Variants in KCNQ1OT1 observed in about 807,000 individuals in gnomAD.
KCNQ1OT1 encodes the protein KCNQ1 opposite strand/antisense transcript 1.
chr11:2,643,319 C>T (rs986058957), exon 1 of KCNQ1OT1: 2 of 398,134 alleles, frequency 5.0e-6, no homozygotes, highest in Admixed American at 8.8e-5. Context: ...TGATGTTTGC[C>T]TTATATATCT....
chr11:2,655,021 T>A (rs1346854676), exon 1 of KCNQ1OT1: 1 of 398,388 alleles, frequency 2.5e-6, no homozygotes, highest in African/African-American at 2.1e-5. Flanking sequence ...GAAATGAAAA[T>A]CACCCAAAGA....
chr11:2,641,254 G>A (rs1849572328), exon 1 of KCNQ1OT1: 1 of 398,374 alleles, frequency 2.5e-6, no homozygotes, highest in East Asian at 3.6e-5. Context: ...GTTTTCTATA[G>A]TATTAATTTA....
At chr11:2,632,457 C>G (rs371589013) in exon 1 of KCNQ1OT1, 8 of 398,348 alleles carry the variant, frequency 2.0e-5, no homozygotes, top group East Asian at 1.1e-4. Context: ...AGAGGAAAAG[C>G]TCTTAGTCTT....
At chr11:2,685,351 T>G in exon 1 of KCNQ1OT1, 1 of 398,682 alleles carries the variant, frequency 2.5e-6, no homozygotes, top group Non-Finnish European at 4.4e-6. Context: ...GGAGGGTACA[T>G]GGGCAGGTAC....
rs184769761 is a variant in KCNQ1OT1, at chr11:2,686,536, C to T, written n.13459G>A. Reference sequence around the variant, plus strand: ...CTCCCGTCACGGAAATGACAGCTCCCAGCCCTGGGCAATGTGCTCCTGCAA... The same window carrying T: ...CTCCCGTCACGGAAATGACAGCTCCTAGCCCTGGGCAATGTGCTCCTGCAA... On this transcript the variant is annotated non_coding_transcript_exon_variant, in exon 1 of 1. Coordinates refer to ENST00000597346, the Ensembl canonical transcript of KCNQ1OT1. 3.9e-4 allele frequency: 154 copies of T among 398,704 alleles called. No individual in the cohort carries two copies. In the East Asian group the frequency reaches 5.4e-3, roughly 14 times the overall value. 24.7% of individuals were successfully genotyped at this position (398,704 alleles called of 1,614,324 possible).
chr11:2,661,524 A>G lies in KCNQ1OT1; in HGVS notation n.38471T>C. 1 of 472,816 alleles carries G rather than the reference A, an allele frequency of 2.1e-6. No homozygotes were observed. The allele number at this position is 472,816 out of a possible 1,614,324, so 29.3% of individuals were successfully genotyped here. A position where few individuals can be genotyped will look rare whatever the true frequency, so the allele number is the denominator to read the frequency against. ...CATGGGTCAGAGGTCCTATCACCCC[A>G]TCTTTCCTGACCCACTACTCTGTCA... is the stretch of plus-strand genomic sequence containing the variant. On this transcript the variant is annotated non_coding_transcript_exon_variant, in exon 1 of 1. Transcript: ENST00000597346. The surrounding 1 kb of genome is among the most constrained non-coding windows in gnomAD (Gnocchi z 5.9).
chr11:2,664,753 G>T lies in KCNQ1OT1; in HGVS notation n.35242C>A. ...GTGTGAGGGACAGGGATGTGTGCTG[G>T]GGTCTCACAGGGGGCAGAGTGGGTG... On this transcript the variant is annotated non_coding_transcript_exon_variant, in exon 1 of 1. Transcript: ENST00000597346. The surrounding 1 kb of genome is among the most constrained non-coding windows in gnomAD (Gnocchi z 5.1). 1 of 398,768 alleles carries T rather than the reference G, an allele frequency of 2.5e-6. No homozygotes were observed. Among genetic ancestry groups the T allele is most frequent in the Non-Finnish European group, 4.4e-6 (1 of 226,194 alleles). 24.7% of individuals were successfully genotyped at this position (398,768 alleles called of 1,614,324 possible).
chr11:2,648,745 C>G (rs1287458307), exon 1 of KCNQ1OT1: 1 of 398,386 alleles, frequency 2.5e-6, no homozygotes, highest in Non-Finnish European at 4.4e-6. Flanking sequence ...CAGTTCAAAT[C>G]TAATATTTCC....
Position 2,642,503 on chromosome 11 carries a change from G to T in KCNQ1OT1, n.57492C>A. The T allele has an allele frequency of 2.5e-6, 1 of 397,854 alleles. No individual in the cohort carries two copies. The highest frequency in any genetic ancestry group is 1.3e-4 in the South Asian group (1 of 7,814). The allele number at this position is 397,854 out of a possible 1,614,324, so 24.6% of individuals were successfully genotyped here. On this transcript the variant is annotated non_coding_transcript_exon_variant, in exon 1 of 1. Transcript: ENST00000597346. The surrounding 1 kb of genome is among the most constrained non-coding windows in gnomAD (Gnocchi z 4.3). ...AAGAGTTTTGATTTTTGTATTTCAT[G>T]GTATGAGTTGTAATATCCCCTTTTT...
chr11:2,644,258 C>T (rs1033906451), exon 1 of KCNQ1OT1: 1 of 398,376 alleles, frequency 2.5e-6, no homozygotes, highest in South Asian at 1.3e-4. Context: ...AGTCACATAG[C>T]CTTTGTTCAT....
In KCNQ1OT1 at chr11:2,674,831, TTAAA is replaced by T; in HGVS notation, n.25160_25163del. ...GGCTTGTCACCCTAATAGCTGTTTTTTAAAAAAAAAAAAAAAAAAAAAAAAAAAA... is the reference window on the plus strand; with the variant it reads ...GGCTTGTCACCCTAATAGCTGTTTTTAAAAAAAAAAAAAAAAAAAAAAAAA... On this transcript the variant is annotated non_coding_transcript_exon_variant, in exon 1 of 1. Coordinates refer to ENST00000597346, the Ensembl canonical transcript of KCNQ1OT1. The surrounding 1 kb of genome is among the most constrained non-coding windows in gnomAD (Gnocchi z 5.9). The T allele has an allele frequency of 5.1e-4, 187 of 366,774 alleles. No homozygotes were observed. The highest frequency in any genetic ancestry group is 3.1e-3 in the East Asian group (82 of 26,216). The allele number at this position is 366,774 out of a possible 1,614,324, so 22.7% of individuals were successfully genotyped here.
chr11:2,667,831 A>C (rs987383164), exon 1 of KCNQ1OT1: 11 of 398,604 alleles, frequency 2.8e-5, no homozygotes, highest in African/African-American at 2.1e-4. Flanking sequence ...GTGGTGTTAA[A>C]CTTTTAGTTA....
Position 2,629,698 on chromosome 11 carries a change from T to C in KCNQ1OT1, n.70297A>G, listed in dbSNP as rs74574524. On this transcript the variant is annotated non_coding_transcript_exon_variant, in exon 1 of 1. Coordinates refer to ENST00000597346, the Ensembl canonical transcript of KCNQ1OT1. ...CTTTTTGATGCTATTTTAAATGAAA[T>C]TGTTTTCTTAATTTGTTTTTCAGGT... is the stretch of plus-strand genomic sequence containing the variant. 1.8e-3 allele frequency: 699 copies of C among 398,482 alleles called. 3 individuals are homozygous for C. The highest frequency in any genetic ancestry group is 2.6e-3 in the Non-Finnish European group (586 of 225,984). 24.7% of individuals were successfully genotyped at this position (398,482 alleles called of 1,614,324 possible).
At chr11:2,615,534 G>A in exon 1 of KCNQ1OT1, 1 of 397,880 alleles carries the variant, frequency 2.5e-6, no homozygotes, top group Non-Finnish European at 4.4e-6. Flanking sequence ...ATTAGTTGTG[G>A]ATTTTTCACA....
At chr11:2,618,661 G>A (rs889252396) in exon 1 of KCNQ1OT1, 8 of 398,484 alleles carry the variant, frequency 2.0e-5, no homozygotes, top group Middle Eastern at 6.3e-4. Context: ...AGAATTTTCA[G>A]AATTTCGTTG....
chr11:2,672,957 C>T, exon 1 of KCNQ1OT1: 1 of 398,762 alleles, frequency 2.5e-6, no homozygotes. Context: ...GAATCATGAA[C>T]CCCAGCTGAG....
Position 2,677,716 on chromosome 11 carries a change from ATC to A in KCNQ1OT1, n.22277_22278del, listed in dbSNP as rs1479661684. On this transcript the variant is annotated non_coding_transcript_exon_variant, in exon 1 of 1. Transcript: ENST00000597346. This position sits in a 1 kb window ranked among gnomAD's most constrained non-coding sequence, Gnocchi z 4.5. ...TTTCAAATTAACTTCCCAATCAAAT[ATC>A]TCTATTGTAAAATTTTGGTCTCCGT... 7.5e-6 allele frequency: 3 copies of A among 398,440 alleles called. No homozygotes were observed. Among genetic ancestry groups the A allele is most frequent in the African/African-American group, 6.2e-5 (3 of 48,620 alleles). The allele number at this position is 398,440 out of a possible 1,614,324, so 24.7% of individuals were successfully genotyped here. A position where few individuals can be genotyped will look rare whatever the true frequency, so the allele number is the denominator to read the frequency against.
At position 2,608,859 on chromosome 11, in the gene KCNQ1OT1, C is replaced by T. The variant is rs1218277309; in HGVS notation, n.91136G>A. 2.3e-5 allele frequency: 9 copies of T among 398,204 alleles called. No homozygotes were observed. The South Asian group carries it at 1.1e-3, about 51-fold the overall frequency. The allele number at this position is 398,204 out of a possible 1,614,324, so 24.7% of individuals were successfully genotyped here. A position where few individuals can be genotyped will look rare whatever the true frequency, so the allele number is the denominator to read the frequency against. The stretch of plus-strand genomic sequence containing the variant: ...TTAGTAATTTGAGTTTTCTCTCTCC[C>T]CCTTTGCCTCATGCACTTCCCTCTC... On this transcript the variant is annotated non_coding_transcript_exon_variant, in exon 1 of 1. Transcript: ENST00000597346. This position sits in a 1 kb window ranked among gnomAD's most constrained non-coding sequence, Gnocchi z 4.6.
At position 2,683,480 on chromosome 11, in the gene KCNQ1OT1, C is replaced by A; in HGVS notation, n.16515G>T. The A allele has an allele frequency of 2.5e-6, 1 of 398,554 alleles. No individual in the cohort carries two copies. Among genetic ancestry groups the A allele is most frequent in the South Asian group, 1.3e-4 (1 of 7,860 alleles). The allele number at this position is 398,554 out of a possible 1,614,324, so 24.7% of individuals were successfully genotyped here. A position where few individuals can be genotyped will look rare whatever the true frequency, so the allele number is the denominator to read the frequency against. On this transcript the variant is annotated non_coding_transcript_exon_variant, in exon 1 of 1. Transcript: ENST00000597346. This position sits in a 1 kb window ranked among gnomAD's most constrained non-coding sequence, Gnocchi z 4.7. ...TATGATTCCATCAATGACAGTTTTC[C>A]TATTAAAACATAACTTGTTAAAGCA...
Sources: allele counts gnomAD v4.1 joint callset, GRCh38; gene constraint gnomAD v4.1.1; non-coding constraint Gnocchi (gnomAD v3.1); transcripts MANE v1.5; gene names NCBI Gene and HGNC (gene_info 2026-07-23, HGNC 2026-07-21).